Variants in GPM6A observed in about 807,000 individuals in gnomAD.
The protein encoded by GPM6A is neuronal membrane glycoprotein M6-a.
GPM6A carries 7 observed loss-of-function variants against 32.1 expected under a neutral mutation model. The ratio of observed to expected loss-of-function variants is 0.22; its 90% CI spans 0.12 to 0.41. The LOEUF is 0.41. Among genes scored for constraint, GPM6A ranks in the 10% least tolerant of loss-of-function variants. GPM6A has a pLI of 1.00. For missense variants in GPM6A, 235 were observed against 347.2 expected, an observed-to-expected ratio of 0.68 and a Z score of 2.57; for synonymous variants, 130 against 123.4, an observed-to-expected ratio of 1.05 and a Z score of -0.35.
intron 1 of GPM6A, among the ~76,000 whole-genome samples, chr4:175,832,200 G>C (rs1363003388): frequency 6.6e-6 from 1 of 151,898 alleles, no homozygotes; most frequent in Non-Finnish European, 1.5e-5. Flanking sequence ...AACTCATTTA[G>C]TAACAAACAA....
intron 1 of GPM6A, among the ~76,000 whole-genome samples, chr4:175,804,148 A>G (rs1431996808): frequency 6.6e-6 from 1 of 152,200 alleles, no homozygotes; most frequent in African/African-American, 2.4e-5. Context: ...TTGTTCAAAC[A>G]TTGCTCAATC....
intron 1 of GPM6A, among the ~76,000 whole-genome samples, chr4:175,770,562 ACTTT>A (rs992087505): frequency 6.6e-6 from 1 of 151,858 alleles, no homozygotes; most frequent in African/African-American, 2.4e-5. Flanking sequence ...TCTCTCTCAC[ACTTT>A]CTTCTGTTTG....
At chr4:175,947,402 C>T (rs1177731500) in intron 1 of GPM6A, among the ~76,000 whole-genome samples, 1 of 151,838 alleles carries the variant, frequency 6.6e-6, no homozygotes, top group African/African-American at 2.4e-5. Flanking sequence ...TATAATATTT[C>T]TTAAGTCTAA....
chr4:175,954,517 CA>C (rs1373121935), intron 1 of GPM6A, among the ~76,000 whole-genome samples: 1 of 152,170 alleles, frequency 6.6e-6, no homozygotes, highest in Non-Finnish European at 1.5e-5. Flanking sequence ...CAGTGGCTAG[CA>C]AATAATATAT....
chr4:175,714,738 GT>G (rs2111100487), intron 1 of GPM6A, among the ~76,000 whole-genome samples: 1 of 152,046 alleles, frequency 6.6e-6, no homozygotes, highest in East Asian at 1.9e-4. Flanking sequence ...TCATGAAAAT[GT>G]TTATTAAGAT....
At chr4:175,839,980 G>A (rs1431637557) in intron 1 of GPM6A, among the ~76,000 whole-genome samples, 2 of 152,090 alleles carry the variant, frequency 1.3e-5, no homozygotes, top group African/African-American at 2.4e-5. Flanking sequence ...TGTAACTTAC[G>A]TCTAAAGTAG....
intron 1 of GPM6A, among the ~76,000 whole-genome samples, chr4:175,842,898 C>A (rs1228137137): frequency 2.6e-5 from 4 of 151,504 alleles, no homozygotes; most frequent in African/African-American, 7.3e-5. Context: ...ATTATTAATC[C>A]CAATCCTTGC....
chr4:175,678,092 C>G (rs1199954955), intron 2 of GPM6A, among the ~76,000 whole-genome samples: 1 of 152,060 alleles, frequency 6.6e-6, no homozygotes, highest in Non-Finnish European at 1.5e-5. Flanking sequence ...ATTTTGAATT[C>G]CCCACTCCAG....
intron 1 of GPM6A, among the ~76,000 whole-genome samples, chr4:175,869,275 A>C (rs1736831036): frequency 6.6e-6 from 1 of 152,162 alleles, no homozygotes; most frequent in Non-Finnish European, 1.5e-5. Flanking sequence ...ATATGAAATA[A>C]AGTATATCTT....
At chr4:175,995,020 A>G (rs1481226770) in intron 1 of GPM6A, among the ~76,000 whole-genome samples, 1 of 152,154 alleles carries the variant, frequency 6.6e-6, no homozygotes, top group African/African-American at 2.4e-5. Context: ...TCATCATGAC[A>G]TTGCAGCAAT....
chr4:175,768,619 C>G (rs1432098353), intron 1 of GPM6A, among the ~76,000 whole-genome samples: 3 of 151,922 alleles, frequency 2.0e-5, no homozygotes, highest in African/African-American at 7.3e-5. Flanking sequence ...GATGCATTGC[C>G]TAGAAAGTTC....
chr4:175,802,431 A>G (rs1260770171), intron 1 of GPM6A, among the ~76,000 whole-genome samples: 2 of 152,102 alleles, frequency 1.3e-5, no homozygotes, highest in African/African-American at 2.4e-5. Flanking sequence ...CCCTGTTTTC[A>G]GATACTGTCT....
At position 175,957,318 on chromosome 4, in the gene GPM6A, C is replaced by T. The variant is rs923724518; in HGVS notation, c.-23+44991G>A. On this transcript the variant is annotated intron_variant, in intron 1 of 7. Coordinates refer to the GPM6A transcript ENST00000280187. ...CAAAGGCAGGTAAGAAAGCCATATA[C>T]GACAAGGGTACCTGCTCTCAAGTCC... 7.9e-5 allele frequency among the ~76,000 whole-genome samples: 12 copies of T among 152,144 alleles called. No homozygotes were observed. In the East Asian group the frequency reaches 1.7e-3, roughly 22 times the overall value.
intron 1 of GPM6A, among the ~76,000 whole-genome samples, chr4:175,798,134 T>A (rs1734312068): frequency 6.6e-6 from 1 of 152,234 alleles, no homozygotes; most frequent in Non-Finnish European, 1.5e-5. Context: ...GCTATACTTG[T>A]GTAACTTACA....
intron 1 of GPM6A, among the ~76,000 whole-genome samples, chr4:175,765,941 G>A (rs1732946390): frequency 6.6e-6 from 1 of 152,132 alleles, no homozygotes. Context: ...CATTGTTCAG[G>A]CCTCTATTCA....
chr4:175,702,594 A>C (rs1228858580), intron 1 of GPM6A, among the ~76,000 whole-genome samples: 1 of 152,112 alleles, frequency 6.6e-6, no homozygotes, highest in East Asian at 1.9e-4. Flanking sequence ...GGCTCACTGC[A>C]ATCTCTGCCT....
Position 175,897,403 on chromosome 4 carries a change from C to T in GPM6A, c.-22-85154G>A, listed in dbSNP as rs2047248. 1.1e-4 allele frequency among the ~76,000 whole-genome samples: 17 copies of T among 152,270 alleles called. No individual in the cohort carries two copies. In the South Asian group the frequency reaches 1.9e-3, roughly 17 times the overall value. On this transcript the variant is annotated intron_variant, in intron 1 of 7. Transcript: ENST00000280187. ...AATAATCCAGCTGAAAGGAAGCCAG[C>T]TGACAGGAAAGCCTGTGAAATGCGG...
At chr4:175,794,108 G>A (rs1046200337) in intron 1 of GPM6A, among the ~76,000 whole-genome samples, 1 of 152,118 alleles carries the variant, frequency 6.6e-6, no homozygotes, top group Non-Finnish European at 1.5e-5. Flanking sequence ...ACATTGACAG[G>A]CCTAAGAAGC....
At chr4:175,876,435 C>G (rs1490787481) in intron 1 of GPM6A, among the ~76,000 whole-genome samples, 1 of 152,186 alleles carries the variant, frequency 6.6e-6, no homozygotes, top group Non-Finnish European at 1.5e-5. Context: ...CTAACATATA[C>G]TGTACTTTTT....
Sources: gnomAD v4.1 joint callset for allele counts (sites outside exome capture counted in the v4.1 genomes callset) on GRCh38, gnomAD v4.1.1 for gene constraint, MANE v1.5 for transcripts, NCBI Gene and HGNC (gene_info 2026-07-23, HGNC 2026-07-21) for gene names.